Variants in FAM178B observed in about 807,000 individuals in gnomAD.
FAM178B encodes family with sequence similarity 178 member B.
In FAM178B, 82 loss-of-function variants were observed where a neutral mutation model predicts 91.7. That is an observed-to-expected ratio of 0.89 (90% CI 0.75 to 1.07). The LOEUF is 1.07. Ranked by LOEUF, FAM178B falls within the 50% of genes least tolerant of loss-of-function variation. FAM178B has a pLI of 0.00. For synonymous variants in FAM178B, 368 were observed against 359.4 expected, an observed-to-expected ratio of 1.02 and a Z score of -0.27; for missense variants, 769 against 846.7, an observed-to-expected ratio of 0.91 and a Z score of 1.14.
chr2:96,945,844 T>A (rs905159557), intron 8 of FAM178B, among the ~76,000 whole-genome samples: 3 of 152,188 alleles, frequency 2.0e-5, no homozygotes, highest in Admixed American at 6.5e-5. Context: ...AAAATACACA[T>A]AACATAAAAT....
At chr2:96,979,032 A>G (rs1414595384) in intron 1 of FAM178B, among the ~76,000 whole-genome samples, 1 of 137,046 alleles carries the variant, frequency 7.3e-6, no homozygotes, top group African/African-American at 2.8e-5. Flanking sequence ...GCTGGAGTGC[A>G]GTGGTGTGAT....
chr2:96,880,818 TCTC>T (rs2080363072), intron 14 of FAM178B, among the ~76,000 whole-genome samples: 1 of 152,154 alleles, frequency 6.6e-6, no homozygotes, highest in Non-Finnish European at 1.5e-5. Context: ...ATGGCCTCGA[TCTC>T]CTGACCTTGT....
At chr2:96,953,212 C>T (rs2081953894) in intron 6 of FAM178B, among the ~76,000 whole-genome samples, 1 of 152,234 alleles carries the variant, frequency 6.6e-6, no homozygotes, top group African/African-American at 2.4e-5. Context: ...TCCATTCTAT[C>T]CACGTGCCCG....
chr2:96,932,704 G>A (rs576985580), intron 8 of FAM178B, among the ~76,000 whole-genome samples: 21 of 146,606 alleles, frequency 1.4e-4, no homozygotes, highest in Non-Finnish European at 2.3e-4. Flanking sequence ...TTGGGAGGCC[G>A]AGGTGGGTGG....
chr2:96,904,541 ATTTTTTTTTTT>A (rs11284849), intron 12 of FAM178B, among the ~76,000 whole-genome samples: 34 of 96,652 alleles, frequency 3.5e-4, no homozygotes, highest in African/African-American at 1.3e-3. Context: ...ATGCCTGGCT[ATTTTTTTTTTT>A]TTTTTTTTTT....
Position 96,884,006 on chromosome 2 carries a change from C to T in FAM178B, c.1777-5513G>A, listed in dbSNP as rs1048343579. Among the ~76,000 whole-genome samples, 3 of 152,208 alleles carry T rather than the reference C, an allele frequency of 2.0e-5. No individual in the cohort carries two copies. The East Asian group carries it at 5.8e-4, about 29-fold the overall frequency. On this transcript the variant is annotated intron_variant, in intron 14 of 16. Transcript: ENST00000490605. ...GACTGAAGATCGACTCTAGAGCTAACGGAGTCTGGGAAAGGCTGAAGCTGT... is the reference window on the plus strand; with the variant it reads ...GACTGAAGATCGACTCTAGAGCTAATGGAGTCTGGGAAAGGCTGAAGCTGT...
chr2:96,895,143 C>T, intron 13 of FAM178B: 12 of 1,285,214 alleles, frequency 9.3e-6, no homozygotes, highest in Non-Finnish European at 1.2e-5. Flanking sequence ...CGCTCTTTTC[C>T]TTCCAGGGGA....
intron 9 of FAM178B, among the ~76,000 whole-genome samples, chr2:96,924,868 C>T (rs1445521452): frequency 9.9e-5 from 15 of 152,070 alleles, no homozygotes; most frequent in Admixed American, 9.8e-4. Flanking sequence ...TGTCCTACAG[C>T]TCCTGTGAAG....
At chr2:96,920,413 A>G (rs1303672670) in intron 12 of FAM178B, among the ~76,000 whole-genome samples, 1 of 152,174 alleles carries the variant, frequency 6.6e-6, no homozygotes, top group Admixed American at 6.5e-5. Flanking sequence ...CATCCTGGCT[A>G]ACACGGTGAA....
intron 12 of FAM178B, among the ~76,000 whole-genome samples, chr2:96,909,823 C>A (rs1189643092): frequency 6.6e-6 from 1 of 152,224 alleles, no homozygotes; most frequent in Non-Finnish European, 1.5e-5. Flanking sequence ...ATCTGTGAAT[C>A]TGACCATTGT....
At chr2:96,930,422 G>C (rs1396609729) in intron 8 of FAM178B, among the ~76,000 whole-genome samples, 1 of 152,012 alleles carries the variant, frequency 6.6e-6, no homozygotes, top group East Asian at 1.9e-4. Flanking sequence ...TGTGTTCTCT[G>C]CACCGTGAGC....
chr2:96,878,343 C>A, intron 15 of FAM178B, 73 bp downstream of exon 15: 1 of 1,450,856 alleles, frequency 6.9e-7, no homozygotes, highest in Non-Finnish European at 9.6e-7. Flanking sequence ...GCCATCCCAG[C>A]CAACCCCCGC....
At chr2:96,903,063 G>A (rs576706383) in intron 12 of FAM178B, among the ~76,000 whole-genome samples, 29 of 152,088 alleles carry the variant, frequency 1.9e-4, no homozygotes, top group African/African-American at 6.5e-4. Flanking sequence ...TTTTTGAGAC[G>A]GAGTCTCGCT....
chr2:96,982,735 A>ATTTTT (rs58540459), intron 1 of FAM178B, among the ~76,000 whole-genome samples: 3 of 52,238 alleles, frequency 5.7e-5, no homozygotes, highest in East Asian at 6.3e-4. Flanking sequence ...TGCCCAGCTA[A>ATTTTT]TTTTTTTTTT....
chr2:96,897,775 C>A (rs370774476), intron 13 of FAM178B: 19 of 160,390 alleles, frequency 1.2e-4, no homozygotes, highest in Non-Finnish European at 2.1e-4. Flanking sequence ...ACACAGCAGG[C>A]AGAGTAATTT....
intron 12 of FAM178B, among the ~76,000 whole-genome samples, chr2:96,908,341 A>C (rs540641104): frequency 6.6e-6 from 1 of 152,344 alleles, no homozygotes; most frequent in East Asian, 1.9e-4. Flanking sequence ...CCAGGTGTTG[A>C]GCCAAGGAAG....
chr2:96,906,198 T>A (rs1329600905), intron 12 of FAM178B, among the ~76,000 whole-genome samples: 1 of 146,440 alleles, frequency 6.8e-6, no homozygotes, highest in Non-Finnish European at 1.5e-5. Context: ...CTTTTTCTTT[T>A]TCTTTCTTTT....
rs377492867 is a variant in FAM178B at position 96,878,363 on chromosome 2, G to T, written c.1854+53C>A. 59 of 1,553,338 alleles carry T rather than the reference G, an allele frequency of 3.8e-5. No individual in the cohort carries two copies. The African/African-American group carries it at 7.5e-4, about 20-fold the overall frequency. On this transcript the variant is annotated intron_variant, in intron 15 of 16. Coordinates refer to ENST00000490605, the MANE Select transcript of FAM178B (RefSeq NM_001122646.3). Reference sequence around the variant, plus strand: ...CCCAGCCAACCCCCGCCGCTTGGGGGAGAAGACACAGCTGGGCACCCCCAC... The same window carrying T: ...CCCAGCCAACCCCCGCCGCTTGGGGTAGAAGACACAGCTGGGCACCCCCAC...
At chr2:96,909,465 G>T (rs1222387404) in intron 12 of FAM178B, among the ~76,000 whole-genome samples, 2 of 152,174 alleles carry the variant, frequency 1.3e-5, no homozygotes, top group African/African-American at 4.8e-5. Context: ...ACATTCCCGT[G>T]GCTGCCCCTT....
Sources: gnomAD v4.1 joint callset for allele counts (sites outside exome capture counted in the v4.1 genomes callset) on GRCh38, gnomAD v4.1.1 for gene constraint, MANE v1.5 for transcripts, NCBI Gene and HGNC (gene_info 2026-07-23, HGNC 2026-07-21) for gene names.